Variants in ANO6 observed in about 807,000 individuals in gnomAD.
The protein encoded by ANO6 is anoctamin-6.
In ANO6, 106 loss-of-function variants were observed where a neutral mutation model predicts 117.5. The ratio of observed to expected loss-of-function variants is 0.90; its 90% CI spans 0.77 to 1.06. ANO6 has a LOEUF of 1.06. Among genes scored for constraint, ANO6 ranks in the 50% least tolerant of loss-of-function variants. The pLI is 0.00. For missense variants in ANO6, 955 were observed against 1,121.1 expected (o/e 0.85, Z 2.12); for synonymous variants, 367 against 385.1 (o/e 0.95, Z 0.55).
intron 10 of ANO6, among the ~76,000 whole-genome samples, chr12:45,386,458 G>T (rs577971238): frequency 6.6e-6 from 1 of 152,134 alleles, no homozygotes; most frequent in South Asian, 2.1e-4. Context: ...TTAGGATATT[G>T]CCTAAGTCAG....
chr12:45,286,148 G>T (rs1027929625), intron 1 of ANO6, among the ~76,000 whole-genome samples: 3 of 152,180 alleles, frequency 2.0e-5, no homozygotes, highest in Non-Finnish European at 4.4e-5. Context: ...GCAACAGCAC[G>T]ATGGGCAGTG....
At chr12:45,345,995 G>C (rs1019334519) in intron 3 of ANO6, among the ~76,000 whole-genome samples, 1 of 118,194 alleles carries the variant, frequency 8.5e-6, no homozygotes, top group South Asian at 3.3e-4. Context: ...GGGCGGGGGG[G>C]TTAGAAACAA....
intron 1 of ANO6, among the ~76,000 whole-genome samples, chr12:45,241,564 A>C (rs534666118): frequency 6.6e-6 from 1 of 152,316 alleles, no homozygotes; most frequent in East Asian, 1.9e-4. Context: ...AACTCGTCAA[A>C]GTCATTCTCC....
intron 19 of ANO6, among the ~76,000 whole-genome samples, chr12:45,425,092 TA>T (rs1203418534): frequency 2.0e-5 from 3 of 152,112 alleles, no homozygotes; most frequent in African/African-American, 7.2e-5. Flanking sequence ...GGGTAGAATT[TA>T]AAAAGCAAGA....
chr12:45,325,921 T>G (rs1940445423), intron 2 of ANO6, among the ~76,000 whole-genome samples: 1 of 152,192 alleles, frequency 6.6e-6, no homozygotes. Context: ...ATTAATGACA[T>G]TTAAGGAAGT....
chr12:45,340,427 T>C (rs1370777016), intron 3 of ANO6, among the ~76,000 whole-genome samples: 1 of 152,140 alleles, frequency 6.6e-6, no homozygotes, highest in African/African-American at 2.4e-5. Context: ...GGTTAAAAAA[T>C]AAAATGTGGT....
At chr12:45,278,644 A>T (rs777007044) in intron 1 of ANO6, among the ~76,000 whole-genome samples, 3 of 151,862 alleles carry the variant, frequency 2.0e-5, no homozygotes, top group Non-Finnish European at 2.9e-5. Flanking sequence ...TCAATCTCTG[A>T]TGATGCAAGA....
At chr12:45,223,469 A>G (rs1947436321) in intron 1 of ANO6, among the ~76,000 whole-genome samples, 1 of 152,130 alleles carries the variant, frequency 6.6e-6, no homozygotes, top group Non-Finnish European at 1.5e-5. Flanking sequence ...TAGAAAAAAC[A>G]CTTAGTGTTT....
chr12:45,434,079 C>T (rs747845575), downstream of ANO6, among the ~76,000 whole-genome samples: 9 of 152,294 alleles, frequency 5.9e-5, no homozygotes, highest in Non-Finnish European at 8.8e-5. Flanking sequence ...CTGGAAGATA[C>T]GCCTGAGATC....
chr12:45,293,369 A>G (rs1939170829), intron 1 of ANO6, among the ~76,000 whole-genome samples: 1 of 152,174 alleles, frequency 6.6e-6, no homozygotes, highest in South Asian at 2.1e-4. Context: ...TTTTCTTGTG[A>G]TAAGAAGGAT....
chr12:45,258,045 G>C lies in ANO6; in HGVS notation c.70+41654G>C, dbSNP rs530030234. On this transcript the variant is annotated intron_variant, in intron 1 of 19. Transcript: ENST00000320560. ...TATAAATTAAACACATGAGAATAAA[G>C]AAAAAAAATGAAGTATTTGAAGAAA... is the stretch of plus-strand genomic sequence containing the variant. 4.6e-5 allele frequency among the ~76,000 whole-genome samples: 7 copies of C among 151,878 alleles called. No homozygotes were observed. In the South Asian group the frequency reaches 1.2e-3, roughly 27 times the overall value.
downstream of ANO6, among the ~76,000 whole-genome samples, chr12:45,435,713 GA>G (rs10710532): frequency 0.77 from 115,200 of 150,408 alleles, 47,043 homozygotes; most frequent in Non-Finnish European, 0.92. Flanking sequence ...CAAACTCACT[GA>G]AAAAAAAAAA....
At chr12:45,303,718 A>G (rs1167058046) in intron 2 of ANO6, among the ~76,000 whole-genome samples, 1 of 152,164 alleles carries the variant, frequency 6.6e-6, no homozygotes, top group Non-Finnish European at 1.5e-5. Context: ...TCAAAGTGGA[A>G]GAAGACAGCT....
intron 16 of ANO6, among the ~76,000 whole-genome samples, chr12:45,414,841 G>A (rs1420438301): frequency 6.6e-6 from 1 of 151,960 alleles, no homozygotes; most frequent in Admixed American, 6.5e-5. Context: ...CCGGCTCACT[G>A]CAACCTCCGC....
chr12:45,402,140 G>T (rs1237925370), intron 13 of ANO6, 120 bp downstream of exon 13: 1 of 820,848 alleles, frequency 1.2e-6, no homozygotes, highest in African/African-American at 1.7e-5. Flanking sequence ...AAATTTTCAA[G>T]TGTAAACATA....
At chr12:45,234,415 A>C (rs1480794454) in intron 1 of ANO6, among the ~76,000 whole-genome samples, 1 of 151,890 alleles carries the variant, frequency 6.6e-6, no homozygotes, top group Non-Finnish European at 1.5e-5. Context: ...ATTTTTTTTT[A>C]CTGGTAAAAA....
chr12:45,395,936 C>A (rs1228208557), intron 12 of ANO6, among the ~76,000 whole-genome samples: 1 of 152,180 alleles, frequency 6.6e-6, no homozygotes, highest in Non-Finnish European at 1.5e-5. Flanking sequence ...TGGCACAAGA[C>A]AAGGATGCCC....
At chr12:45,400,217 C>T (rs1942747320) in intron 12 of ANO6, among the ~76,000 whole-genome samples, 3 of 152,176 alleles carry the variant, frequency 2.0e-5, no homozygotes, top group Admixed American at 2.0e-4. Flanking sequence ...AACAAATATA[C>T]ATGTGCTAAG....
intron 13 of ANO6, 56 bp from the exon 14 acceptor site, chr12:45,403,016 G>A (rs927069277): frequency 6.7e-7 from 1 of 1,498,374 alleles, no homozygotes; most frequent in Non-Finnish European, 9.3e-7. Context: ...TTTTTTATTA[G>A]AGTCTCAAAG....
Sources: allele counts gnomAD v4.1 joint callset (sites outside exome capture counted in the v4.1 genomes callset), GRCh38; gene constraint gnomAD v4.1.1; transcripts MANE v1.5; gene names NCBI Gene and HGNC (gene_info 2026-07-23, HGNC 2026-07-21).